Variants in CNTN4 observed in about 807,000 individuals in gnomAD.
CNTN4 encodes the protein contactin-4.
CNTN4 carries 77 observed loss-of-function variants against 122.5 expected under a neutral mutation model. The observed-to-expected ratio is 0.63, with a 90% CI of 0.52 to 0.76. CNTN4 has a LOEUF of 0.76. Ranked by LOEUF, CNTN4 falls within the 30% of genes least tolerant of loss-of-function variation. CNTN4 has a pLI of 0.00. For missense variants in CNTN4, 1,256 were observed against 1,259.1 expected (o/e 1.00, Z 0.04); for synonymous variants, 512 against 447.0 (o/e 1.15, Z -1.83).
At chr3:2,468,374 G>A (rs568272121) in intron 3 of CNTN4, among the ~76,000 whole-genome samples, 19 of 152,008 alleles carry the variant, frequency 1.2e-4, no homozygotes, top group Non-Finnish European at 2.4e-4. Flanking sequence ...TCAGATTTTG[G>A]GTCTGTGACT....
intron 2 of CNTN4, among the ~76,000 whole-genome samples, chr3:2,130,771 G>A (rs2034413580): frequency 6.6e-6 from 1 of 152,152 alleles, no homozygotes; most frequent in South Asian, 2.1e-4. Flanking sequence ...CATATCTATA[G>A]TCTCTTATCT....
chr3:2,454,064 G>A (rs533711543), intron 3 of CNTN4, among the ~76,000 whole-genome samples: 18 of 138,480 alleles, frequency 1.3e-4, no homozygotes, highest in African/African-American at 4.9e-4. Context: ...CATATTATAA[G>A]CAAAGAACCT....
Position 3,038,943 on chromosome 3 carries a change from C to A in CNTN4, c.2103C>A (p.Val701=), listed in dbSNP as rs766103715. The stretch of plus-strand genomic sequence containing the variant: ...TGTCTCCTTGTGCAGTCCCCGAAGT[C>A]ACACCAGCGAATGTCAGTGGTGGCG... ...KRRTEEALPE[V]TPANVSGGGG... Residue 701 remains valine (V), a synonymous_variant, in exon 19 of 25, where the codon GTC becomes GTA. Coordinates refer to ENST00000418658, the MANE Select transcript of CNTN4 (RefSeq NM_175607.3). 6.2e-7 allele frequency: 1 copy of A among 1,614,044 alleles called. No individual in the cohort carries two copies. The highest frequency in any genetic ancestry group is 8.5e-7 in the Non-Finnish European group (1 of 1,179,920).
chr3:2,637,058 CAGCCTCCCT>C (rs2082692927), intron 4 of CNTN4, among the ~76,000 whole-genome samples: 1 of 150,170 alleles, frequency 6.7e-6, no homozygotes, highest in East Asian at 2.0e-4. Flanking sequence ...CCTCCCAACT[CAGCCTCCCT>C]AGTAGCTGGA....
At chr3:2,587,521 C>T (rs2080256188) in intron 4 of CNTN4, among the ~76,000 whole-genome samples, 1 of 152,118 alleles carries the variant, frequency 6.6e-6, no homozygotes, top group Non-Finnish European at 1.5e-5. Flanking sequence ...TTTGGGAATG[C>T]TCTTCTCTCC....
In CNTN4 at chr3:2,749,537, C is replaced by G. The variant is rs75430074; in HGVS notation, c.358+3840C>G. On this transcript the variant is annotated intron_variant, in intron 6 of 24. Transcript: ENST00000418658. ...CTCATTTATTATTTCACTCCTATGG[C>G]AGAACGTATATTTTAAGAGAACTGA... 7.8e-3 allele frequency among the ~76,000 whole-genome samples: 1,189 copies of G among 152,216 alleles called. 18 individuals are homozygous for G. The highest frequency in any genetic ancestry group is 0.027 in the African/African-American group (1,127 of 41,536).
At position 2,255,883 on chromosome 3, in the gene CNTN4, G is replaced by T. The variant is rs193215566; in HGVS notation, c.-144-83295G>T. Reference sequence around the variant, plus strand: ...TCTAACATCACAGTTAAAAGAACCAGAGAAGCAAAAGCAAACAAATTCAAA... The same window carrying T: ...TCTAACATCACAGTTAAAAGAACCATAGAAGCAAAAGCAAACAAATTCAAA... On this transcript the variant is annotated intron_variant, in intron 2 of 24. Coordinates refer to ENST00000418658, the MANE Select transcript of CNTN4 (RefSeq NM_175607.3). 2.0e-5 allele frequency among the ~76,000 whole-genome samples: 3 copies of T among 152,202 alleles called. No homozygotes were observed. In the East Asian group the frequency reaches 5.8e-4, roughly 29 times the overall value.
intron 3 of CNTN4, among the ~76,000 whole-genome samples, chr3:2,458,588 A>T (rs568733312): frequency 6.6e-6 from 1 of 152,194 alleles, no homozygotes; most frequent in African/African-American, 2.4e-5. Flanking sequence ...TGTTAAAACT[A>T]TGTGCAGTTT....
intron 4 of CNTN4, among the ~76,000 whole-genome samples, chr3:2,702,136 A>C (rs2086392029): frequency 6.6e-6 from 1 of 152,204 alleles, no homozygotes; most frequent in African/African-American, 2.4e-5. Flanking sequence ...AAAATCAGAG[A>C]GAACAATGTC....
At chr3:2,938,068 C>A (rs2094581413) in intron 13 of CNTN4, among the ~76,000 whole-genome samples, 1 of 152,046 alleles carries the variant, frequency 6.6e-6, no homozygotes, top group Non-Finnish European at 1.5e-5. Context: ...AATAATAGTG[C>A]CAGAAACACG....
intron 3 of CNTN4, among the ~76,000 whole-genome samples, chr3:2,494,302 T>C (rs2076394695): frequency 6.6e-6 from 1 of 152,202 alleles, no homozygotes; most frequent in South Asian, 2.1e-4. Context: ...TCAATACATG[T>C]AAGGTATACT....
intron 6 of CNTN4, among the ~76,000 whole-genome samples, chr3:2,761,069 C>T (rs2090568402): frequency 6.6e-6 from 1 of 152,130 alleles, no homozygotes; most frequent in Non-Finnish European, 1.5e-5. Flanking sequence ...TTTCCAAGAC[C>T]AGTGGAGAGG....
chr3:2,420,951 G>A (rs1033567868), intron 3 of CNTN4, among the ~76,000 whole-genome samples: 5 of 152,110 alleles, frequency 3.3e-5, no homozygotes, highest in African/African-American at 1.2e-4. Context: ...TAAAGTAAAC[G>A]TTCAGGACCC....
intron 4 of CNTN4, among the ~76,000 whole-genome samples, chr3:2,585,407 C>G (rs7649288): frequency 5.9e-5 from 9 of 151,886 alleles, no homozygotes; most frequent in East Asian, 5.9e-4. Context: ...TATTGCGGCA[C>G]TATTCACAAT....
At chr3:2,349,023 T>A (rs75278978) in intron 3 of CNTN4, among the ~76,000 whole-genome samples, 4 of 152,276 alleles carry the variant, frequency 2.6e-5, no homozygotes, top group African/African-American at 9.6e-5. Context: ...AACTTTGTCC[T>A]CAGTACTATA....
rs187896721 is a variant in CNTN4, at chr3:3,041,401, T to C, written c.2399-909T>C. ...TCTCTTAGATAATAGTTCATGTCTC[T>C]GGATTATGAAAATGAGAGGAAAAGG... On this transcript the variant is annotated intron_variant, in intron 20 of 24. Coordinates refer to ENST00000418658, the MANE Select transcript of CNTN4 (RefSeq NM_175607.3). 5.0e-3 allele frequency among the ~76,000 whole-genome samples: 757 copies of C among 152,316 alleles called. 11 individuals carry two copies. Among genetic ancestry groups the C allele is most frequent in the African/African-American group, 0.017 (718 of 41,568 alleles).
At chr3:2,553,121 C>G (rs1575966135) in intron 3 of CNTN4, among the ~76,000 whole-genome samples, 1 of 152,088 alleles carries the variant, frequency 6.6e-6, no homozygotes, top group Admixed American at 6.5e-5. Flanking sequence ...TGATTAAACA[C>G]CACACAAAGT....
At position 2,866,930 on chromosome 3, in the gene CNTN4, A is replaced by G. The variant is rs371379463; in HGVS notation, c.633A>G (p.Pro211=). ...ACAAGGTCCTGGGGCCACCTACACC[A>G]CTAATATTGAGAAATGATGGTGAGT... is the stretch of plus-strand genomic sequence containing the variant. The part of the protein sequence containing the change: ...TNHKVLGPPT[P]LILRNDGVMG... The change falls in exon 8 of 25, where the codon CCA becomes CCG. Residue 211 remains proline, a synonymous_variant. Transcript: ENST00000418658. 8 of 1,613,800 alleles carry G rather than the reference A, an allele frequency of 5.0e-6. No individual in the cohort carries two copies. Among genetic ancestry groups the G allele is most frequent in the Middle Eastern group, 1.6e-4 (1 of 6,084 alleles).
At chr3:2,882,849 T>C in intron 8 of CNTN4, 1 of 339,072 alleles carries the variant, frequency 2.9e-6, no homozygotes, top group South Asian at 2.7e-5. Context: ...CTTCATCCCC[T>C]TCTCCTTTTT....
Sources: gnomAD v4.1 joint callset for allele counts (sites outside exome capture counted in the v4.1 genomes callset) on GRCh38, gnomAD v4.1.1 for gene constraint, MANE v1.5 for transcripts, NCBI Gene and HGNC (gene_info 2026-07-23, HGNC 2026-07-21) for gene names.